Variants in PTK2 observed in about 807,000 individuals in gnomAD.
PTK2 encodes protein tyrosine kinase 2.
PTK2 carries 45 observed loss-of-function variants against 150.1 expected under a neutral mutation model. The observed-to-expected ratio is 0.30, with a 90% confidence interval of 0.24 to 0.38. The LOEUF (loss-of-function observed/expected upper bound fraction) is 0.38, where lower values mean the gene tolerates loss of function less well. Among genes scored for constraint, PTK2 ranks in the 10% least tolerant of loss-of-function variants. PTK2 has a pLI of 1.00. For synonymous variants in PTK2, 432 were observed against 449.2 expected (o/e 0.96, Z 0.48); for missense variants, 919 against 1,307.3 (o/e 0.70, Z 4.58).
chr8:140,975,832 C>T (rs568597146), intron 1 of PTK2, among the ~76,000 whole-genome samples: 1 of 152,162 alleles, frequency 6.6e-6, no homozygotes, highest in Non-Finnish European at 1.5e-5. Context: ...CAGTCTCACT[C>T]CCCCTCAAGT....
intron 2 of PTK2, chr8:140,920,891 T>G (rs984408716): frequency 1.7e-5 from 26 of 1,526,756 alleles, no homozygotes; most frequent in Non-Finnish European, 2.3e-5. Flanking sequence ...CAGGGCCTCT[T>G]GGCCTGCCAG....
chr8:140,752,509 C>T (rs2100063358), intron 16 of PTK2, among the ~76,000 whole-genome samples, 193 bp from the exon 20 acceptor site: 1 of 152,166 alleles, frequency 6.6e-6, no homozygotes, highest in Non-Finnish European at 1.5e-5. Context: ...TGGTCATGCA[C>T]GTGAAACATT....
At chr8:140,720,299 T>C (rs866668864) in intron 22 of PTK2, among the ~76,000 whole-genome samples, 1 of 152,212 alleles carries the variant, frequency 6.6e-6, no homozygotes, top group East Asian at 1.9e-4. Flanking sequence ...GCCTGGCACA[T>C]AGCTGACACT....
intron 22 of PTK2, among the ~76,000 whole-genome samples, chr8:140,732,221 A>C (rs2100049845): frequency 6.6e-6 from 1 of 152,222 alleles, no homozygotes; most frequent in Non-Finnish European, 1.5e-5. Flanking sequence ...ACATTTTATA[A>C]TATAAAATGG....
At chr8:140,997,069 C>G (rs2154610406) in intron 1 of PTK2, among the ~76,000 whole-genome samples, 1 of 152,272 alleles carries the variant, frequency 6.6e-6, no homozygotes, top group Middle Eastern at 3.4e-3. Flanking sequence ...TTTGGAAGAA[C>G]TTGCTTCCAA....
chr8:140,886,839 C>T (rs1245803911), intron 3 of PTK2, among the ~76,000 whole-genome samples: 2 of 152,124 alleles, frequency 1.3e-5, no homozygotes, highest in Admixed American at 6.5e-5. Context: ...CTGGTGTAAA[C>T]GTCATTCTTT....
At chr8:140,659,646 G>C in exon 32 of PTK2, 2 of 1,614,152 alleles carry the variant, frequency 1.2e-6, no homozygotes, top group Non-Finnish European at 1.7e-6. Context: ...GCTCACCCAG[G>C]TCAGAGTTCA....
intron 4 of PTK2, among the ~76,000 whole-genome samples, chr8:140,873,146 G>A (rs2100143493): frequency 6.6e-6 from 1 of 152,230 alleles, no homozygotes; most frequent in South Asian, 2.1e-4. Context: ...GGAACTGCAG[G>A]ATGGTAGGGC....
intron 7 of PTK2, among the ~76,000 whole-genome samples, chr8:140,837,742 A>G (rs1019642026): frequency 8.1e-5 from 12 of 147,516 alleles, no homozygotes; most frequent in Admixed American, 2.7e-4. Flanking sequence ...CAAACAAACA[A>G]AAACAAAAAA....
intron 16 of PTK2, among the ~76,000 whole-genome samples, chr8:140,760,531 CTATAGATA>C (rs2100068807): frequency 1.3e-5 from 2 of 152,066 alleles, no homozygotes; most frequent in South Asian, 4.2e-4. Flanking sequence ...ATATACAAAT[CTATAGATA>C]CAGAAAGTGG....
At chr8:140,790,067 C>T (rs1455284909) in intron 13 of PTK2, among the ~76,000 whole-genome samples, 2 of 145,970 alleles carry the variant, frequency 1.4e-5, no homozygotes, top group Non-Finnish European at 2.9e-5. Context: ...TGGTTTAACA[C>T]TAGTTTTACA....
At chr8:140,810,613 T>C (rs138185647) in intron 10 of PTK2, among the ~76,000 whole-genome samples, 2,267 of 152,172 alleles carry the variant, frequency 0.015, 25 homozygotes, top group Non-Finnish European at 0.019. Flanking sequence ...CCCAACAGAG[T>C]TTTGCTGGCA....
chr8:140,948,972 G>A (rs1396690843), intron 1 of PTK2, among the ~76,000 whole-genome samples: 1 of 151,444 alleles, frequency 6.6e-6, no homozygotes, highest in Admixed American at 6.6e-5. Flanking sequence ...GAGTGTGCCT[G>A]CCTCTCCTGC....
chr8:140,895,417 G>T (rs1213863769), intron 2 of PTK2, among the ~76,000 whole-genome samples: 3 of 151,996 alleles, frequency 2.0e-5, no homozygotes, highest in Non-Finnish European at 4.4e-5. Flanking sequence ...AGCTCCTTGG[G>T]AGGCTGAGGC....
chr8:140,927,960 AAAAAAAAAAAAAAAAAT>A (rs2100170191), intron 1 of PTK2, among the ~76,000 whole-genome samples: 3 of 28,790 alleles, frequency 1.0e-4, no homozygotes, highest in African/African-American at 3.2e-4. Context: ...AAAAAAAAGA[AAAAAAAAAAAAAAAAAT>A]ATATATATAT....
intron 31 of PTK2, among the ~76,000 whole-genome samples, chr8:140,660,004 C>T (rs1310892707): frequency 6.6e-6 from 1 of 152,004 alleles, no homozygotes. Flanking sequence ...TAACTTCCCA[C>T]ACTACATTCA....
At chr8:140,662,687 A>C (rs2082330118) in intron 31 of PTK2, 2 of 582,104 alleles carry the variant, frequency 3.4e-6, no homozygotes, top group Non-Finnish European at 6.6e-6. Flanking sequence ...ACCGTCCTTC[A>C]GAAGTCAATG....
intron 31 of PTK2, chr8:140,662,994 G>C: frequency 2.5e-6 from 1 of 393,112 alleles, no homozygotes; most frequent in Middle Eastern, 6.6e-4. Context: ...GTGTAATCCT[G>C]GTCTGGCTCT....
At chr8:140,691,204 G>T (rs549520370) in intron 26 of PTK2, among the ~76,000 whole-genome samples, 8 of 147,054 alleles carry the variant, frequency 5.4e-5, no homozygotes, top group South Asian at 2.3e-4. Context: ...TGGGGGTGGG[G>T]GGTCTCACTA....
Sources: allele counts gnomAD v4.1 joint callset (sites outside exome capture counted in the v4.1 genomes callset), GRCh38; gene constraint gnomAD v4.1.1; transcripts MANE v1.5; gene names NCBI Gene and HGNC (gene_info 2026-07-23, HGNC 2026-07-21).